Variants in FOCAD observed in about 807,000 individuals in gnomAD.
The protein encoded by FOCAD is focadhesin.
FOCAD carries 198 observed loss-of-function variants against 225.6 expected under a neutral mutation model. The observed-to-expected ratio is 0.88, with a 90% confidence interval of 0.78 to 0.99. The LOEUF is 0.99. Ranked by LOEUF, FOCAD falls within the 50% of genes least tolerant of loss-of-function variation. FOCAD has a pLI of 0.00. For synonymous variants in FOCAD, 897 were observed against 755.0 expected, an observed-to-expected ratio of 1.19 and a Z score of -3.08; for missense variants, 2,713 against 2,123.6, an observed-to-expected ratio of 1.28 and a Z score of -5.46.
chr9:20,893,973 T>C (rs1564121841), intron 21 of FOCAD, among the ~76,000 whole-genome samples: 1 of 152,164 alleles, frequency 6.6e-6, no homozygotes, highest in Non-Finnish European at 1.5e-5. Context: ...AATCATATAA[T>C]CATTTTAGTA....
At chr9:20,770,578 C>T (rs1248304748) in intron 8 of FOCAD, among the ~76,000 whole-genome samples, 1 of 152,186 alleles carries the variant, frequency 6.6e-6, no homozygotes, top group African/African-American at 2.4e-5. Flanking sequence ...CTTTGTGATC[C>T]AGTCATCTGC....
At chr9:20,912,119 G>A (rs897626548) in intron 22 of FOCAD, among the ~76,000 whole-genome samples, 1 of 152,042 alleles carries the variant, frequency 6.6e-6, no homozygotes, top group Admixed American at 6.6e-5. Flanking sequence ...TCTGATAATG[G>A]TTGGGCATTA....
rs1431244070 is a variant in FOCAD at position 20,982,416 on chromosome 9, T to C, written c.4698T>C (p.Asp1566=). 6.2e-7 allele frequency: 1 copy of C among 1,613,832 alleles called. No individual in the cohort carries two copies. Among genetic ancestry groups the C allele is most frequent in the East Asian group, 2.2e-5 (1 of 44,856 alleles). Residue 1566 remains aspartate (D), a synonymous_variant, in exon 39 of 44, where the codon GAT becomes GAC. Coordinates refer to ENST00000338382, the MANE Select transcript of FOCAD (RefSeq NM_001375567.1). ...AATGCCTCTTAGAAATGACAGATGA[T>C]GATGCCAATCGGATCGCCCAGGTTA... ...IAKCLLEMTD[D]DANRIAQVTK... is the part of the protein sequence containing the mutation.
intron 18 of FOCAD, among the ~76,000 whole-genome samples, chr9:20,867,320 C>T (rs996111035): frequency 6.6e-6 from 1 of 151,842 alleles, no homozygotes; most frequent in Non-Finnish European, 1.5e-5. Context: ...GACTTTAATC[C>T]AAGCATGGCC....
At chr9:20,875,816 A>C (rs1179706212) in intron 19 of FOCAD, 1 of 152,156 alleles carries the variant, frequency 6.6e-6, no homozygotes, top group Non-Finnish European at 1.5e-5. Context: ...AGTTATTTAC[A>C]AATTCCTCAA....
intron 1 of FOCAD, among the ~76,000 whole-genome samples, chr9:20,700,990 T>C (rs1032077820): frequency 1.3e-5 from 2 of 152,208 alleles, no homozygotes; most frequent in African/African-American, 4.8e-5. Context: ...GATTCTTCTT[T>C]ACTGGCATCT....
At chr9:20,801,604 C>G (rs1821846171) in intron 11 of FOCAD, among the ~76,000 whole-genome samples, 2 of 152,102 alleles carry the variant, frequency 1.3e-5, no homozygotes, top group Non-Finnish European at 2.9e-5. Context: ...TTATTTTATA[C>G]TTGACATCTA....
chr9:20,988,513 ATTAATTGGCAAAAACTGC>A, intron 41 of FOCAD, 84 bp downstream of exon 41: 1 of 340,488 alleles, frequency 2.9e-6, no homozygotes, highest in Admixed American at 4.4e-5. Flanking sequence ...CGGTTTTGCC[ATTAATTGGCAAAAACTGC>A]AATTACTTTT....
chr9:20,867,412 C>G (rs531477981), intron 18 of FOCAD, among the ~76,000 whole-genome samples: 2 of 152,016 alleles, frequency 1.3e-5, no homozygotes, highest in East Asian at 3.9e-4. Flanking sequence ...ATGAAAAAAT[C>G]TGCTTTTTTT....
At chr9:20,962,608 A>T (rs1838852989) in intron 35 of FOCAD, among the ~76,000 whole-genome samples, 1 of 152,192 alleles carries the variant, frequency 6.6e-6, no homozygotes, top group African/African-American at 2.4e-5. Flanking sequence ...TCTAAGGATT[A>T]CACATGTGAA....
At chr9:20,993,540 A>G (rs1172624731) in intron 43 of FOCAD, among the ~76,000 whole-genome samples, 3 of 152,198 alleles carry the variant, frequency 2.0e-5, no homozygotes, top group East Asian at 3.8e-4. Context: ...TCTAAACACA[A>G]AGTTTATTTA....
intron 29 of FOCAD, 58 bp from the exon 30 acceptor site, chr9:20,946,643 C>A: frequency 6.4e-7 from 1 of 1,557,458 alleles, no homozygotes. Flanking sequence ...GTCAACTAAA[C>A]CGAGTTCTTT....
Position 20,823,098 on chromosome 9 carries a change from G to A in FOCAD, c.1903G>A (p.Ala635Thr), listed in dbSNP as rs1367298988. The A allele has an allele frequency of 2.5e-6, 4 of 1,606,018 alleles. No individual in the cohort carries two copies. The highest frequency in any genetic ancestry group is 2.2e-5 in the East Asian group (1 of 44,458). Residue 635 changes from alanine to threonine, a missense_variant, in exon 15 of 44, where the codon GCA (alanine) becomes ACA (threonine). Coordinates refer to ENST00000338382, the MANE Select transcript of FOCAD (RefSeq NM_001375567.1). Reference protein sequence around the residue: ...PAALVLQGLHALCQAEVVCIR... With the variant: ...PAALVLQGLHTLCQAEVVCIR... ...AGCCTTGGTATTACAGGGTCTTCATGCACTCTGTCAAGCTGAGGTAGGCAT... is the reference window on the plus strand; with the variant it reads ...AGCCTTGGTATTACAGGGTCTTCATACACTCTGTCAAGCTGAGGTAGGCAT...
intron 15 of FOCAD, among the ~76,000 whole-genome samples, chr9:20,856,975 G>A (rs1184943452): frequency 8.3e-6 from 1 of 120,874 alleles, no homozygotes; most frequent in Admixed American, 8.9e-5. Flanking sequence ...ATACCATGCT[G>A]TTTTGGTTAC....
Position 20,946,953 on chromosome 9 carries a change from T to C in FOCAD, c.3675+133T>C, listed in dbSNP as rs7851042. 396,707 of 1,107,892 alleles carry C rather than the reference T, an allele frequency of 0.36. 73,913 individuals carry two copies. The highest frequency in any genetic ancestry group is 0.46 in the Admixed American group (14,623 of 31,988). The allele number at this position is 1,107,892 out of a possible 1,614,324, so 68.6% of individuals were successfully genotyped here. A position where few individuals can be genotyped will look rare whatever the true frequency, so the allele number is the denominator to read the frequency against. ...AGAACTGAGGAACTTCTAACTATTC[T>C]CTTTTCTCACAGCTGTAGCCAAAAG... On this transcript the variant is annotated intron_variant, in intron 30 of 43. Transcript: ENST00000338382.
At chr9:20,662,675 G>A (rs982335433) in intron 2 of FOCAD, among the ~76,000 whole-genome samples, 4 of 151,644 alleles carry the variant, frequency 2.6e-5, no homozygotes, top group Admixed American at 6.6e-5. Context: ...GCCCAGGCTG[G>A]TCTTGAACAC....
At chr9:20,899,265 A>C (rs953158303) in intron 21 of FOCAD, among the ~76,000 whole-genome samples, 4 of 151,808 alleles carry the variant, frequency 2.6e-5, no homozygotes, top group African/African-American at 9.7e-5. Context: ...TGGAGCTAAA[A>C]CTCATAAAGG....
Position 20,823,037 on chromosome 9 carries a change from G to A in FOCAD, c.1842G>A (p.Leu614=). The change falls in exon 15 of 44, where the codon TTG becomes TTA. Residue 614 remains leucine, a synonymous_variant. Coordinates refer to ENST00000338382, the MANE Select transcript of FOCAD (RefSeq NM_001375567.1). ...ADMLAAISQV[L]NECTKPDQAT... ...TGTTGGCAGCTATTTCTCAAGTGTT[G>A]AATGAATGCACCAAGCCTGATCAAG... 6.2e-7 allele frequency: 1 copy of A among 1,608,954 alleles called. No individual in the cohort carries two copies. The highest frequency in any genetic ancestry group is 1.7e-4 in the Middle Eastern group (1 of 6,038).
intron 27 of FOCAD, among the ~76,000 whole-genome samples, chr9:20,932,477 T>C (rs1835574592): frequency 6.6e-6 from 1 of 152,108 alleles, no homozygotes; most frequent in African/African-American, 2.4e-5. Context: ...ATTTATAAAA[T>C]CATCAATTGC....
Sources: allele counts gnomAD v4.1 joint callset (sites outside exome capture counted in the v4.1 genomes callset), GRCh38; gene constraint gnomAD v4.1.1; transcripts MANE v1.5; gene names NCBI Gene and HGNC (gene_info 2026-07-23, HGNC 2026-07-21).